Variants in NBEAL1 observed in about 807,000 individuals in gnomAD.
NBEAL1 encodes neurobeachin like 1, also known as neurobeachin-like protein 1.
In NBEAL1, 273 loss-of-function variants were observed where a neutral mutation model predicts 351.3. That is an observed-to-expected ratio of 0.78 (90% CI 0.70 to 0.86). NBEAL1 has a LOEUF of 0.86. NBEAL1 is among the 40% of genes least tolerant of loss of function. NBEAL1 has a pLI of 0.00. For synonymous variants in NBEAL1, 1,050 were observed against 1,086.4 expected (o/e 0.97, Z 0.66); for missense variants, 2,961 against 3,201.3 (o/e 0.92, Z 1.81).
intron 38 of NBEAL1, among the ~76,000 whole-genome samples, chr2:203,168,413 C>A (rs2064206216): frequency 6.6e-6 from 1 of 151,990 alleles, no homozygotes; most frequent in African/African-American, 2.4e-5. Flanking sequence ...TGGTGAAACA[C>A]CATCTCTACT....
At chr2:203,173,691 A>G (rs2064393772) in intron 41 of NBEAL1, among the ~76,000 whole-genome samples, 1 of 152,134 alleles carries the variant, frequency 6.6e-6, no homozygotes, top group African/African-American at 2.4e-5. Context: ...AACCAAAAGA[A>G]GATTTTATAA....
intron 7 of NBEAL1, among the ~76,000 whole-genome samples, chr2:203,071,021 T>C (rs1037306721): frequency 7.9e-5 from 12 of 152,190 alleles, no homozygotes; most frequent in Non-Finnish European, 1.6e-4. Context: ...TCCTCAGTCT[T>C]CCAAAGTGCT....
At position 203,039,980 on chromosome 2, in the gene NBEAL1, G is replaced by A. The variant is rs2061112384; in HGVS notation, c.52-1785G>A. The A allele has an allele frequency of 2.2e-5, 12 of 534,932 alleles. No homozygotes were observed. In the South Asian group the frequency reaches 2.7e-4, roughly 12 times the overall value. 33.1% of individuals were successfully genotyped at this position (534,932 alleles called of 1,614,324 possible). Reference sequence around the variant, plus strand: ...GACCATGGTGGAGGGAACATGATAAGGTAAGGTAAAGGGGTGGTGAGGTTT... The same window carrying A: ...GACCATGGTGGAGGGAACATGATAAAGTAAGGTAAAGGGGTGGTGAGGTTT... On this transcript the variant is annotated intron_variant, in intron 2 of 55. Transcript: ENST00000683969.
At chr2:203,208,588 C>T in intron 51 of NBEAL1, 49 bp from the exon 52 acceptor site, 2 of 1,343,922 alleles carry the variant, frequency 1.5e-6, no homozygotes, top group East Asian at 2.3e-5. Context: ...TTGTGAAAAA[C>T]AGGAAACAAG....
intron 18 of NBEAL1, among the ~76,000 whole-genome samples, chr2:203,121,848 C>T (rs1467268903): frequency 6.6e-6 from 1 of 151,894 alleles, no homozygotes; most frequent in African/African-American, 2.4e-5. Flanking sequence ...TGCATTGGCA[C>T]CGTGTCGGCT....
At chr2:203,111,532 G>T (rs1204366334) in intron 15 of NBEAL1, among the ~76,000 whole-genome samples, 1 of 151,826 alleles carries the variant, frequency 6.6e-6, no homozygotes, top group Non-Finnish European at 1.5e-5. Context: ...CACCATGCCC[G>T]GCTAATGTTT....
In NBEAL1 at chr2:203,175,425, T is replaced by G. The variant is rs1344122026; in HGVS notation, c.6464+138T>G. On this transcript the variant is annotated intron_variant, in intron 42 of 55. Coordinates refer to ENST00000683969, the MANE Select transcript of NBEAL1 (RefSeq NM_001378026.1). ...TTGATCAGCTAAAAATAAACTAGTTTGAGAATGAGTCACTCAAACTGTCTC... is the reference window on the plus strand; with the variant it reads ...TTGATCAGCTAAAAATAAACTAGTTGGAGAATGAGTCACTCAAACTGTCTC... The G allele has an allele frequency of 2.0e-5, 16 of 815,456 alleles. No homozygotes were observed. The East Asian group carries it at 4.3e-4, about 22-fold the overall frequency. The allele number at this position is 815,456 out of a possible 1,614,324, so 50.5% of individuals were successfully genotyped here. A position where few individuals can be genotyped will look rare whatever the true frequency, so the allele number is the denominator to read the frequency against.
chr2:203,017,100 C>T (rs1285716786), intron 2 of NBEAL1, among the ~76,000 whole-genome samples: 5 of 152,112 alleles, frequency 3.3e-5, no homozygotes, highest in Admixed American at 3.3e-4. Context: ...CTTTCCCCTC[C>T]TTGTCTTTAT....
rs2063186980 is a variant in NBEAL1 at position 203,135,778 on chromosome 2, T to C, written c.3915T>C (p.Phe1305=). 1 of 1,608,846 alleles carries C rather than the reference T, an allele frequency of 6.2e-7. No individual in the cohort carries two copies. Among genetic ancestry groups the C allele is most frequent in the African/African-American group, 1.3e-5 (1 of 74,966 alleles). Residue 1305 remains phenylalanine (F), a synonymous_variant, in exon 28 of 56, where the codon TTT becomes TTC. Coordinates refer to ENST00000683969, the MANE Select transcript of NBEAL1 (RefSeq NM_001378026.1). ...TLVRLFLKAK[F]ENGNTLHKHS... is the part of the protein sequence containing the mutation. ...TTAGGCTTTTTTTAAAAGCAAAATT[T>C]GAAAACGGAAATACTCTTCATAAGC...
At position 203,038,600 on chromosome 2, in the gene NBEAL1, G is replaced by T. The variant is rs976753143; in HGVS notation, c.52-3165G>T. The stretch of plus-strand genomic sequence containing the variant: ...CTTTATGTTTTTCATACAAGTCCCT[G>T]AGAATATTTTCAGCCAGTGTGGTTT... On this transcript the variant is annotated intron_variant, in intron 2 of 55. Coordinates refer to ENST00000683969, the MANE Select transcript of NBEAL1 (RefSeq NM_001378026.1). Among the ~76,000 whole-genome samples the T allele has an allele frequency of 1.0e-4, 15 of 148,908 alleles. 2 individuals carry two copies. The highest frequency in any genetic ancestry group is 2.1e-4 in the Non-Finnish European group (14 of 66,426).
intron 42 of NBEAL1, 54 bp downstream of exon 42, chr2:203,175,341 T>C (rs2064467818): frequency 6.3e-7 from 1 of 1,575,680 alleles, no homozygotes; most frequent in South Asian, 1.1e-5. Flanking sequence ...TGTTGAAAAC[T>C]GTTTGCCTTC....
intron 2 of NBEAL1, among the ~76,000 whole-genome samples, chr2:203,022,955 G>T (rs549661874): frequency 2.6e-5 from 4 of 152,182 alleles, no homozygotes; most frequent in African/African-American, 9.6e-5. Context: ...GCTAAATCTG[G>T]AATATGACTG....
intron 51 of NBEAL1, among the ~76,000 whole-genome samples, chr2:203,206,592 T>A (rs2065575314): frequency 2.8e-5 from 1 of 35,110 alleles, no homozygotes; most frequent in Non-Finnish European, 1.4e-4. Flanking sequence ...GTTTTCGTAT[T>A]TTTTGGGTGG....
intron 12 of NBEAL1, among the ~76,000 whole-genome samples, chr2:203,101,111 T>G (rs1204973777): frequency 6.6e-6 from 1 of 152,224 alleles, no homozygotes; most frequent in Admixed American, 6.5e-5. Flanking sequence ...TTTTGATGGC[T>G]TCATCATGAA....
chr2:203,140,921 G>C (rs2063350675), intron 31 of NBEAL1, among the ~76,000 whole-genome samples: 1 of 152,110 alleles, frequency 6.6e-6, no homozygotes, highest in Non-Finnish European at 1.5e-5. Context: ...AGAGGTTGCA[G>C]TGAGCCGAGA....
chr2:203,077,718 CTTATTTAT>C (rs746378979), intron 7 of NBEAL1, 26 bp from the exon 8 acceptor site: 84 of 1,141,890 alleles, frequency 7.4e-5, no homozygotes, highest in African/African-American at 1.3e-4. Flanking sequence ...AAAGACAAAT[CTTATTTAT>C]TTATTTATTT....
Position 203,107,861 on chromosome 2 carries a change from T to C in NBEAL1, c.1622T>C (p.Ile541Thr). 2 of 1,554,412 alleles carry C rather than the reference T, an allele frequency of 1.3e-6. No homozygotes were observed. Among genetic ancestry groups the C allele is most frequent in the Non-Finnish European group, 1.7e-6 (2 of 1,147,722 alleles). Residue 541 changes from isoleucine to threonine, a missense_variant, in exon 14 of 56, where the codon ATT becomes ACT. Coordinates refer to ENST00000683969, the MANE Select transcript of NBEAL1 (RefSeq NM_001378026.1). ...SLHQTCAENLIAIHGSLGSQS... is the reference protein window; with the variant it reads ...SLHQTCAENLTAIHGSLGSQS... ...CATCAAACTTGTGCTGAGAACTTGATTGCAATCCATGGTTCCTTGGGGAGT... is the reference window on the plus strand; with the variant it reads ...CATCAAACTTGTGCTGAGAACTTGACTGCAATCCATGGTTCCTTGGGGAGT...
chr2:203,130,289 G>T, intron 24 of NBEAL1, 29 bp from the exon 25 acceptor site: 1 of 1,506,608 alleles, frequency 6.6e-7, no homozygotes, highest in East Asian at 2.6e-5. Flanking sequence ...GAATGTGGTG[G>T]TTTGTTTTGT....
chr2:203,073,662 A>T (rs1022842059), intron 7 of NBEAL1, among the ~76,000 whole-genome samples: 5 of 152,160 alleles, frequency 3.3e-5, no homozygotes. Flanking sequence ...TTAAAAAATT[A>T]TATTGATCTT....
Sources: allele counts gnomAD v4.1 joint callset (sites outside exome capture counted in the v4.1 genomes callset), GRCh38; gene constraint gnomAD v4.1.1; transcripts MANE v1.5; gene names NCBI Gene and HGNC (gene_info 2026-07-23, HGNC 2026-07-21).